Variants in SORCS2 observed in about 807,000 individuals in gnomAD.
SORCS2 encodes the protein VPS10 domain-containing receptor SorCS2.
Under a neutral mutation model 141.6 loss-of-function variants are expected in SORCS2, and 100 were observed. That is an observed-to-expected ratio of 0.71 (90% CI 0.60 to 0.83). The LOEUF (loss-of-function observed/expected upper bound fraction) is 0.83. Among genes scored for constraint, SORCS2 ranks in the 40% least tolerant of loss-of-function variants. SORCS2 has a pLI of 0.00. For missense variants in SORCS2, 1,646 were observed against 1,560.2 expected, an observed-to-expected ratio of 1.05 and a Z score of -0.93; for synonymous variants, 789 against 676.9, an observed-to-expected ratio of 1.17 and a Z score of -2.57.
At chr4:7,728,262 G>T in intron 21 of SORCS2, 88 bp from the exon 22 acceptor site, 1 of 876,496 alleles carries the variant, frequency 1.1e-6, no homozygotes, top group Non-Finnish European at 1.8e-6. Context: ...ACCATCCAGG[G>T]CATGTGGCTG....
intron 2 of SORCS2, among the ~76,000 whole-genome samples, chr4:7,404,174 C>G (rs1340593840): frequency 6.6e-6 from 1 of 151,782 alleles, no homozygotes; most frequent in Non-Finnish European, 1.5e-5. Flanking sequence ...AAGACATGAT[C>G]TCATTCATGT....
At chr4:7,654,943 A>T (rs1721665036) in intron 5 of SORCS2, among the ~76,000 whole-genome samples, 1 of 151,920 alleles carries the variant, frequency 6.6e-6, no homozygotes, top group East Asian at 1.9e-4. Context: ...CCCCCTGAGC[A>T]CCCCAGCCTC....
At chr4:7,678,724 G>GC (rs1228791514) in intron 9 of SORCS2, among the ~76,000 whole-genome samples, 1 of 149,920 alleles carries the variant, frequency 6.7e-6, no homozygotes, top group Non-Finnish European at 1.5e-5. Flanking sequence ...CCAGCTGGGT[G>GC]CCCTCCCAAG....
chr4:7,596,292 G>T (rs1434424081), intron 3 of SORCS2, among the ~76,000 whole-genome samples: 1 of 152,198 alleles, frequency 6.6e-6, no homozygotes, highest in African/African-American at 2.4e-5. Flanking sequence ...GGCTGGCATG[G>T]TAGACGGTGT....
intron 1 of SORCS2, among the ~76,000 whole-genome samples, chr4:7,388,085 CAT>C (rs1415069790): frequency 2.8e-5 from 4 of 145,128 alleles, no homozygotes; most frequent in Admixed American, 6.8e-5. Context: ...TACACACACA[CAT>C]GCACACACAT....
chr4:7,284,865 C>A (rs10007491), intron 1 of SORCS2, among the ~76,000 whole-genome samples: 37,430 of 151,786 alleles, frequency 0.25, 4,909 homozygotes, highest in Non-Finnish European at 0.28. Flanking sequence ...ATCCTTCCGG[C>A]CTCTTCTGGT....
At chr4:7,491,305 G>T (rs1010192089) in intron 2 of SORCS2, among the ~76,000 whole-genome samples, 3 of 152,186 alleles carry the variant, frequency 2.0e-5, no homozygotes, top group African/African-American at 4.8e-5. Context: ...GAAGCCAGTT[G>T]TGGTGCTGGG....
intron 2 of SORCS2, among the ~76,000 whole-genome samples, chr4:7,500,693 G>C (rs7663905): frequency 0.013 from 1,974 of 152,190 alleles, 48 homozygotes; most frequent in African/African-American, 0.045. Flanking sequence ...GGGTGTGATA[G>C]AGAGGAACCG....
chr4:7,637,727 G>A (rs1016469238), intron 3 of SORCS2, among the ~76,000 whole-genome samples: 2 of 151,528 alleles, frequency 1.3e-5, no homozygotes, highest in African/African-American at 4.9e-5. Flanking sequence ...ATGAATGAAT[G>A]CATGCATGCA....
intron 1 of SORCS2, among the ~76,000 whole-genome samples, chr4:7,224,834 C>G (rs986955956): frequency 6.6e-6 from 1 of 152,244 alleles, no homozygotes; most frequent in African/African-American, 2.4e-5. Context: ...GGTCCTCTCT[C>G]ATGAGCTCAC....
chr4:7,540,657 G>T (rs540049802), intron 3 of SORCS2, among the ~76,000 whole-genome samples: 2 of 152,188 alleles, frequency 1.3e-5, no homozygotes, highest in Admixed American at 6.5e-5. Context: ...AGCATCACCC[G>T]CTCCCCGGCC....
At chr4:7,534,951 G>A (rs955362329) in intron 3 of SORCS2, among the ~76,000 whole-genome samples, 4 of 152,186 alleles carry the variant, frequency 2.6e-5, no homozygotes, top group South Asian at 2.1e-4. Context: ...TAGGGAGGCC[G>A]AGGCTCCTGC....
At chr4:7,552,884 T>C (rs1343963392) in intron 3 of SORCS2, among the ~76,000 whole-genome samples, 1 of 151,922 alleles carries the variant, frequency 6.6e-6, no homozygotes, top group Non-Finnish European at 1.5e-5. Flanking sequence ...TGTAGAAGTA[T>C]AGTGGTGAGG....
At chr4:7,250,622 T>C (rs1320358234) in intron 1 of SORCS2, among the ~76,000 whole-genome samples, 1 of 152,250 alleles carries the variant, frequency 6.6e-6, no homozygotes, top group Non-Finnish European at 1.5e-5. Context: ...GTTGAGGCCA[T>C]TTGTGTATGA....
intron 1 of SORCS2, among the ~76,000 whole-genome samples, chr4:7,303,588 G>T (rs1057096154): frequency 2.0e-5 from 3 of 152,194 alleles, no homozygotes; most frequent in Non-Finnish European, 4.4e-5. Flanking sequence ...GAATTTCGGC[G>T]TTTGGTGATG....
At chr4:7,331,645 C>T (rs1001750872) in intron 1 of SORCS2, among the ~76,000 whole-genome samples, 4 of 152,150 alleles carry the variant, frequency 2.6e-5, no homozygotes, top group African/African-American at 9.7e-5. Context: ...TCCTGTCCAC[C>T]CACGCCCCCG....
chr4:7,296,132 C>T (rs1461730483), intron 1 of SORCS2, among the ~76,000 whole-genome samples: 1 of 152,218 alleles, frequency 6.6e-6, no homozygotes, highest in Non-Finnish European at 1.5e-5. Flanking sequence ...GCAGTGACAC[C>T]TGCTGGTCGC....
At position 7,392,781 on chromosome 4, in the gene SORCS2, G is replaced by A. The variant is rs147195319; in HGVS notation, c.481-3507G>A. 4.6e-5 allele frequency among the ~76,000 whole-genome samples: 7 copies of A among 152,216 alleles called. No homozygotes were observed. The East Asian group carries it at 1.4e-3, about 30-fold the overall frequency. On this transcript the variant is annotated intron_variant, in intron 1 of 26. Transcript: ENST00000507866. ...GAAGTGCAAACCCATAAAAGCCCTG[G>A]GCCTGGGCACAAGAGCTCCTGGCTC...
chr4:7,704,273 G>A lies in SORCS2; in HGVS notation c.1857G>A (p.Thr619=), dbSNP rs374246564. 10 of 1,611,130 alleles carry A rather than the reference G, an allele frequency of 6.2e-6. No individual in the cohort carries two copies. The highest frequency in any genetic ancestry group is 2.2e-5 in the East Asian group (1 of 44,824). ...DGLLSEPGDE[T]LVMTVFGHIS... ...TGCTGAGTGAGCCAGGGGACGAGAC[G>A]CTGGTCATGACGTGAGTGCGGGGAC... is the stretch of plus-strand genomic sequence containing the variant. Residue 619 remains threonine (T), a synonymous_variant, in exon 14 of 27, where the codon ACG becomes ACA. Transcript: ENST00000507866.
Sources: gnomAD v4.1 joint callset for allele counts (sites outside exome capture counted in the v4.1 genomes callset) on GRCh38, gnomAD v4.1.1 for gene constraint, MANE v1.5 for transcripts, NCBI Gene and HGNC (gene_info 2026-07-23, HGNC 2026-07-21) for gene names.